RSAD1: variants seen among roughly 807,000 people sequenced by gnomAD.
RSAD1 encodes radical S-adenosyl methionine domain-containing protein 1, mitochondrial.
Under a neutral mutation model 46.2 loss-of-function variants are expected in RSAD1, and 34 were observed. The ratio of observed to expected loss-of-function variants is 0.74; its 90% CI spans 0.56 to 0.98. The LOEUF (loss-of-function observed/expected upper bound fraction) is 0.98. Among genes scored for constraint, RSAD1 ranks in the 50% least tolerant of loss-of-function variants. The pLI is 0.00. For synonymous variants in RSAD1, 260 were observed against 253.5 expected (o/e 1.03, Z -0.24); for missense variants, 635 against 592.3 (o/e 1.07, Z -0.75).
At chr17:50,481,676 T>G (rs11871603) in intron 3 of RSAD1, among the ~76,000 whole-genome samples, 40,025 of 151,944 alleles carry the variant, frequency 0.26, 6,272 homozygotes, top group African/African-American at 0.43. Context: ...AAGATGAAGG[T>G]TTTTTTTGTG....
chr17:50,484,321 C>G, intron 7 of RSAD1, 121 bp from the exon 8 acceptor site: 1 of 787,432 alleles, frequency 1.3e-6, no homozygotes, highest in Non-Finnish European at 2.0e-6. Flanking sequence ...TGCTTTCATG[C>G]ATGTCAGCTG....
chr17:50,484,032 A>G (rs1286393259), intron 7 of RSAD1: 3 of 501,874 alleles, frequency 6.0e-6, no homozygotes, highest in African/African-American at 4.0e-5. Context: ...TCTTAACCTC[A>G]ATTTTCTGAG....
intron 4 of RSAD1, 42 bp from the exon 5 acceptor site, chr17:50,482,601 G>T (rs1403869685): frequency 6.2e-7 from 1 of 1,613,444 alleles, no homozygotes; most frequent in Admixed American, 1.7e-5. Context: ...TAAAAATGAG[G>T]CCTGCCCTCT....
At chr17:50,484,328 G>A in intron 7 of RSAD1, 114 bp from the exon 8 acceptor site, 3 of 847,492 alleles carry the variant, frequency 3.5e-6, no homozygotes, top group Admixed American at 2.4e-5. Context: ...ATGCATGTCA[G>A]CTGCTGAGAT....
intron 1 of RSAD1, 61 bp from the exon 2 acceptor site, chr17:50,479,568 G>T: frequency 1.2e-6 from 2 of 1,605,764 alleles, no homozygotes; most frequent in South Asian, 2.2e-5. Context: ...GGGTGTGTGC[G>T]ACTGAACCCT....
At position 50,483,731 on chromosome 17, in the gene RSAD1, C is replaced by T. The variant is rs563745715; in HGVS notation, c.1078C>T (p.Leu360=). Residue 360 remains leucine, a synonymous_variant, in exon 7 of 9, where the codon CTA becomes TTA. Transcript: ENST00000258955. ...GCTGGAGGAAGTTTTGGCCCTGGGGCTACGCACCGATGTGGGGATCACTCA... is the reference window on the plus strand; with the variant it reads ...GCTGGAGGAAGTTTTGGCCCTGGGGTTACGCACCGATGTGGGGATCACTCA... ...ELLEEVLALG[L]RTDVGITHQH... The T allele has an allele frequency of 6.2e-7, 1 of 1,612,936 alleles. No homozygotes were observed. Among genetic ancestry groups the T allele is most frequent in the Non-Finnish European group, 8.5e-7 (1 of 1,179,668 alleles).
rs1483670644 is a variant in RSAD1 at position 50,485,606 on chromosome 17, C to A, written c.*745C>A. ...TCTGAGGAATATAGCTCTTAGGCTTCCAGCCTCTACCATGCAGGAGAGAAC... is the reference window on the plus strand; with the variant it reads ...TCTGAGGAATATAGCTCTTAGGCTTACAGCCTCTACCATGCAGGAGAGAAC... On this transcript the variant is annotated 3_prime_UTR_variant, in exon 9 of 9. Coordinates refer to ENST00000258955, the MANE Select transcript of RSAD1 (RefSeq NM_018346.3). 1.3e-5 allele frequency: 2 copies of A among 152,308 alleles called. No individual in the cohort carries two copies. Among genetic ancestry groups the A allele is most frequent in the African/African-American group, 4.8e-5 (2 of 41,468 alleles). The allele number at this position is 152,308 out of a possible 1,614,324, so 9.4% of individuals were successfully genotyped here.
rs375434030 is a variant in RSAD1 at position 50,480,426 on chromosome 17, C to A, written c.474+342C>A. ...GGTAAATGTCACCTGTAAAGGGGGT[C>A]TCTATAAAAGGCTTCTAGAGTACAG... On this transcript the variant is annotated intron_variant, in intron 3 of 8. Transcript: ENST00000258955. 2.6e-4 allele frequency: 85 copies of A among 327,618 alleles called. 1 individual carries two copies. In the East Asian group the frequency reaches 3.4e-3, roughly 13 times the overall value. 20.3% of individuals were successfully genotyped at this position (327,618 alleles called of 1,614,324 possible). A position where few individuals can be genotyped will look rare whatever the true frequency, so the allele number is the denominator to read the frequency against.
intron 2 of RSAD1, 55 bp from the exon 3 acceptor site, chr17:50,479,825 T>G: frequency 1.9e-6 from 3 of 1,591,052 alleles, no homozygotes; most frequent in Non-Finnish European, 2.6e-6. Flanking sequence ...GGGGGATAGG[T>G]GCAGGCATCC....
At position 50,479,907 on chromosome 17, in the gene RSAD1, G is replaced by C. The variant is rs534073889; in HGVS notation, c.297G>C (p.Gly99=). ...TGGAGTCTGTGTTCTTTGGTGGGGG[G>C]ACCCCCAGTCTAGCCAGTCCCCACA... is the stretch of plus-strand genomic sequence containing the variant. ...QRVESVFFGG[G]TPSLASPHTV... Residue 99 remains glycine (G), a synonymous_variant, in exon 3 of 9, where the codon GGG becomes GGC. Coordinates refer to ENST00000258955, the MANE Select transcript of RSAD1 (RefSeq NM_018346.3). The C allele has an allele frequency of 6.2e-7, 1 of 1,613,714 alleles. No homozygotes were observed.
At chr17:50,483,197 G>GAAAGAAAA in intron 5 of RSAD1, 143 bp from the exon 6 acceptor site, 1 of 619,448 alleles carries the variant, frequency 1.6e-6, no homozygotes, top group Non-Finnish European at 2.3e-6. Context: ...AAAAAAGAAA[G>GAAAGAAAA]AAAGAAAGAA....
intron 6 of RSAD1, 68 bp from the exon 7 acceptor site, chr17:50,483,638 T>G: frequency 1.3e-6 from 2 of 1,599,384 alleles, no homozygotes; most frequent in Non-Finnish European, 1.7e-6. Context: ...TGCATCCCAG[T>G]GTAGAATTTG....
At chr17:50,479,291 T>G (rs1296833993) in intron 1 of RSAD1, 1 of 466,852 alleles carries the variant, frequency 2.1e-6, no homozygotes, top group African/African-American at 2.0e-5. Flanking sequence ...CAAAATTTTC[T>G]TAAGAGCAGT....
rs577265481 is a variant in RSAD1, at chr17:50,484,498, G to A, written c.1164G>A (p.Lys388=). Residue 388 remains lysine (K), a synonymous_variant, in exon 8 of 9, where the codon AAG becomes AAA. Coordinates refer to ENST00000258955, the MANE Select transcript of RSAD1 (RefSeq NM_018346.3). The stretch of plus-strand genomic sequence containing the variant: ...TGTGGGATGTGTTTGGAGCGAACAA[G>A]GAGGTGCAGGAGCTGCTGGAGCGGG... ...LTLWDVFGAN[K]EVQELLERGL... is the part of the protein sequence containing the mutation. The A allele has an allele frequency of 3.7e-6, 6 of 1,613,758 alleles. No individual in the cohort carries two copies. The African/African-American group carries it at 5.3e-5, about 14-fold the overall frequency.
chr17:50,482,440 C>T lies in RSAD1; in HGVS notation c.824C>T (p.Ser275Phe), dbSNP rs746286512. ...REAGFHQYEV[S>F]NFARNGALST... ...GCTGGCTTCCACCAGTATGAGGTCTCCAACTTTGCCCGGAATGTAAGTTCT... is the reference window on the plus strand; with the variant it reads ...GCTGGCTTCCACCAGTATGAGGTCTTCAACTTTGCCCGGAATGTAAGTTCT... Residue 275 changes from serine (S) to phenylalanine (F), a missense_variant, in exon 4 of 9, where the codon TCC becomes TTC. Transcript: ENST00000258955. The T allele has an allele frequency of 4.8e-5, 76 of 1,587,544 alleles. No individual in the cohort carries two copies. The highest frequency in any genetic ancestry group is 6.4e-5 in the Non-Finnish European group (75 of 1,169,792).
Position 50,483,508 on chromosome 17 carries a change from G to A in RSAD1, c.1052+21G>A, listed in dbSNP as rs140918252. The A allele has an allele frequency of 2.2e-4, 362 of 1,610,808 alleles. 2 individuals are homozygous for A. The African/African-American group carries it at 2.8e-3, about 13-fold the overall frequency. ...GAGCTGTGAGCATCCAAGGGCACAGGGCTCTCCTCCAGGATCCCCACACCC... is the reference window on the plus strand; with the variant it reads ...GAGCTGTGAGCATCCAAGGGCACAGAGCTCTCCTCCAGGATCCCCACACCC... On this transcript the variant is annotated intron_variant, in intron 6 of 8. Coordinates refer to ENST00000258955, the MANE Select transcript of RSAD1 (RefSeq NM_018346.3).
In RSAD1 at chr17:50,483,425, G is replaced by A; in HGVS notation, c.990G>A (p.Met330Ile). The part of the protein sequence containing the change: ...RIQTLEPDNW[M>I]KEVMLFGHGT... ...AGACACTGGAGCCTGACAACTGGAT[G>A]AAGGAGGTGATGCTGTTTGGCCATG... The change falls in exon 6 of 9, where the codon ATG becomes ATA. Residue 330 changes from methionine (M) to isoleucine (I), a missense_variant. Coordinates refer to ENST00000258955, the MANE Select transcript of RSAD1 (RefSeq NM_018346.3). 1 of 1,613,788 alleles carries A rather than the reference G, an allele frequency of 6.2e-7. No individual in the cohort carries two copies. The highest frequency in any genetic ancestry group is 1.3e-5 in the African/African-American group (1 of 75,020).
At chr17:50,481,763 TCAGA>T (rs2033382244) in intron 3 of RSAD1, among the ~76,000 whole-genome samples, 3 of 152,274 alleles carry the variant, frequency 2.0e-5, no homozygotes, top group African/African-American at 7.2e-5. Context: ...GATTTTGGAG[TCAGA>T]CAGTCCTAAA....
chr17:50,483,363 CA>C lies in RSAD1; in HGVS notation c.929del (p.Gln310ArgfsTer21), dbSNP rs757179034. Reference protein sequence around the residue: ...GPGAHGRFMPQGAGGHTREAR... With the variant: ...GPGAHGRFMPXGAGGHTREAR... ...AGGGGCCCATGGACGATTTATGCCC[CA>C]GGGGGCTGGAGGCCACACCCGGGAG... On this transcript the variant is annotated frameshift_variant, in exon 6 of 9. Transcript: ENST00000258955. LOFTEE classifies it high-confidence loss of function. 13 of 1,613,856 alleles carry C rather than the reference CA, an allele frequency of 8.1e-6. No homozygotes were observed. Among genetic ancestry groups the C allele is most frequent in the Non-Finnish European group, 1.0e-5 (12 of 1,179,960 alleles).
Sources: allele counts gnomAD v4.1 joint callset (sites outside exome capture counted in the v4.1 genomes callset), GRCh38; gene constraint gnomAD v4.1.1; transcripts MANE v1.5; gene names NCBI Gene and HGNC (gene_info 2026-07-23, HGNC 2026-07-21).